CCDC102B: variants seen among roughly 807,000 people sequenced by gnomAD.
CCDC102B encodes the protein coiled-coil domain-containing protein 102B.
In CCDC102B, 75 loss-of-function variants were observed where a neutral mutation model predicts 57.4. The ratio of observed to expected loss-of-function variants is 1.31; its 90% CI spans 1.08 to 1.58. The LOEUF (loss-of-function observed/expected upper bound fraction) is 1.58. Ranked by LOEUF, CCDC102B falls within the 40% of genes most tolerant of loss-of-function variation. The probability of loss-of-function intolerance (pLI) is 0.00; values close to 1 mark genes in which losing one functional copy is unlikely to be tolerated. For synonymous variants in CCDC102B, 206 were observed against 201.9 expected, an observed-to-expected ratio of 1.02 and a Z score of -0.17; for missense variants, 636 against 582.6, an observed-to-expected ratio of 1.09 and a Z score of -0.94.
At chr18:68,786,029 T>C in intron 2 of CCDC102B, among the ~76,000 whole-genome samples, 1 of 151,622 alleles carries the variant, frequency 6.6e-6, no homozygotes, top group Admixed American at 6.6e-5. Context: ...AGGGATCCAG[T>C]TTCAGCTTTC....
chr18:68,991,944 TAGAA>T (rs2050878827), intron 6 of CCDC102B, among the ~76,000 whole-genome samples: 1 of 152,180 alleles, frequency 6.6e-6, no homozygotes, highest in African/African-American at 2.4e-5. Flanking sequence ...GGATAACACA[TAGAA>T]AGACATACAT....
At position 68,836,994 on chromosome 18, in the gene CCDC102B, G is replaced by A; in HGVS notation, c.231G>A (p.Glu77=). The change falls in exon 2 of 8, where the codon GAG becomes GAA. Residue 77 remains glutamate, a synonymous_variant. Transcript: ENST00000360242. ...WDICEELRLR[E]LEEVKARAAQ... Reference sequence around the variant, plus strand: ...TTTGTGAAGAACTTCGCCTGCGGGAGCTTGAAGAAGTCAAGGCCAGAGCTG... The same window carrying A: ...TTTGTGAAGAACTTCGCCTGCGGGAACTTGAAGAAGTCAAGGCCAGAGCTG... The A allele has an allele frequency of 2.5e-6, 4 of 1,614,160 alleles. No individual in the cohort carries two copies. The highest frequency in any genetic ancestry group is 1.1e-5 in the South Asian group (1 of 91,088).
Position 68,733,496 on chromosome 18 carries a change from ATATATATATATT to A in CCDC102B, c.-67+16904_-67+16915del, listed in dbSNP as rs1335287648. Among the ~76,000 whole-genome samples, 20 of 90,512 alleles carry A rather than the reference ATATATATATATT, an allele frequency of 2.2e-4. 1 individual carries two copies. Among genetic ancestry groups the A allele is most frequent in the African/African-American group, 7.8e-4 (16 of 20,638 alleles). The allele number at this position is 90,512 out of a possible 152,430, so 59.4% of individuals were successfully genotyped here. A position where few individuals can be genotyped will look rare whatever the true frequency, so the allele number is the denominator to read the frequency against. Reference sequence around the variant, plus strand: ...GACAACTTTATATATATATATATATATATATATATATTTTTTTAACTTAAGCATGCTTTAAGA... The same window carrying A: ...GACAACTTTATATATATATATATATATTTTTAACTTAAGCATGCTTTAAGA... On this transcript the variant is annotated intron_variant, in intron 2 of 3. Coordinates refer to the CCDC102B transcript ENST00000578970.
intron 2 of CCDC102B, among the ~76,000 whole-genome samples, chr18:68,745,108 C>G (rs2033560210): frequency 6.6e-6 from 1 of 152,058 alleles, no homozygotes; most frequent in African/African-American, 2.4e-5. Flanking sequence ...CCAGTTACTC[C>G]CCACAGAGGT....
chr18:68,788,512 C>T (rs374160103), intron 2 of CCDC102B, among the ~76,000 whole-genome samples: 2 of 148,314 alleles, frequency 1.3e-5, no homozygotes, highest in African/African-American at 2.5e-5. Context: ...TCTTGGTGCT[C>T]CTGTATTGGG....
chr18:68,817,843 G>A (rs7228715), intron 1 of CCDC102B, among the ~76,000 whole-genome samples: 65,638 of 151,904 alleles, frequency 0.43, 15,476 homozygotes, highest in East Asian at 0.86. Context: ...CTCCTTATCT[G>A]AACATAATTG....
chr18:69,041,854 G>C (rs1002654141), intron 7 of CCDC102B, among the ~76,000 whole-genome samples: 1 of 151,932 alleles, frequency 6.6e-6, no homozygotes, highest in African/African-American at 2.4e-5. Context: ...ATGTTATTCA[G>C]CCCTTTCCAA....
chr18:68,992,809 A>T, intron 6 of CCDC102B: 1 of 162,198 alleles, frequency 6.2e-6, no homozygotes, highest in Middle Eastern at 6.6e-4. Context: ...TCATGTAGCC[A>T]CTCGTCGTGG....
intron 6 of CCDC102B, among the ~76,000 whole-genome samples, chr18:68,976,517 C>A (rs2050441658): frequency 6.6e-6 from 1 of 151,796 alleles, no homozygotes; most frequent in South Asian, 2.1e-4. Flanking sequence ...TTTGCACATC[C>A]CCGATTATTA....
chr18:68,727,800 C>T (rs1177481987), intron 2 of CCDC102B, among the ~76,000 whole-genome samples: 2 of 152,166 alleles, frequency 1.3e-5, no homozygotes, highest in Non-Finnish European at 2.9e-5. Flanking sequence ...GCCTACTGGG[C>T]AGAATTACAG....
At chr18:68,869,451 A>C (rs1320012457) in intron 4 of CCDC102B, among the ~76,000 whole-genome samples, 2 of 152,216 alleles carry the variant, frequency 1.3e-5, no homozygotes, top group Non-Finnish European at 2.9e-5. Flanking sequence ...TGTGGTGGAA[A>C]GTCTGAGGAA....
In CCDC102B at chr18:69,054,163, A is replaced by G; in HGVS notation, c.*26A>G. The G allele has an allele frequency of 6.3e-7, 1 of 1,576,066 alleles. No homozygotes were observed. The highest frequency in any genetic ancestry group is 8.6e-7 in the Non-Finnish European group (1 of 1,166,362). Reference sequence around the variant, plus strand: ...TTTTTTCACAAAATATGCTGAATTAAAGATTAGGGCCTTAAAGACATTTCC... The same window carrying G: ...TTTTTTCACAAAATATGCTGAATTAGAGATTAGGGCCTTAAAGACATTTCC... On this transcript the variant is annotated 3_prime_UTR_variant, in exon 8 of 8. Coordinates refer to ENST00000360242, the MANE Select transcript of CCDC102B (RefSeq NM_024781.3).
intron 1 of CCDC102B, among the ~76,000 whole-genome samples, chr18:68,810,689 T>A (rs28715050): frequency 3.4e-4 from 48 of 141,534 alleles, no homozygotes; most frequent in African/African-American, 1.3e-3. Flanking sequence ...TGTTTTTTTT[T>A]TTTTTTTTTT....
chr18:68,782,383 T>G (rs967344615), intron 2 of CCDC102B, among the ~76,000 whole-genome samples: 3 of 152,044 alleles, frequency 2.0e-5, no homozygotes, highest in Non-Finnish European at 2.9e-5. Context: ...CATATAAAAA[T>G]GTAATGATTT....
chr18:68,844,910 C>T (rs2037793049), intron 3 of CCDC102B, among the ~76,000 whole-genome samples: 2 of 151,726 alleles, frequency 1.3e-5, no homozygotes, highest in Admixed American at 1.3e-4. Flanking sequence ...TTCAGAAGAC[C>T]TAAACTTTCA....
chr18:68,880,551 C>A (rs2039657724), intron 5 of CCDC102B, among the ~76,000 whole-genome samples: 1 of 152,244 alleles, frequency 6.6e-6, no homozygotes, highest in South Asian at 2.1e-4. Context: ...AGCATGCTGT[C>A]ACCTCTCAGC....
chr18:68,941,054 A>G (rs1345241621), intron 6 of CCDC102B, among the ~76,000 whole-genome samples: 1 of 151,756 alleles, frequency 6.6e-6, no homozygotes, highest in East Asian at 1.9e-4. Context: ...ACATAGGTAG[A>G]AGGAGGAAAT....
intron 6 of CCDC102B, among the ~76,000 whole-genome samples, chr18:68,928,434 G>A (rs1356466109): frequency 1.3e-5 from 2 of 151,852 alleles, no homozygotes; most frequent in African/African-American, 2.4e-5. Flanking sequence ...ATCATCAAAA[G>A]GAAAAGGAGA....
At chr18:68,920,434 T>C (rs2041237104) in intron 6 of CCDC102B, among the ~76,000 whole-genome samples, 1 of 152,082 alleles carries the variant, frequency 6.6e-6, no homozygotes, top group African/African-American at 2.4e-5. Flanking sequence ...AGGTCCACTT[T>C]TAGGTACTGT....
Sources: gnomAD v4.1 joint callset for allele counts (sites outside exome capture counted in the v4.1 genomes callset) on GRCh38, gnomAD v4.1.1 for gene constraint, MANE v1.5 for transcripts, NCBI Gene and HGNC (gene_info 2026-07-23, HGNC 2026-07-21) for gene names.